The following PALM2AKAP2 variants were observed in gnomAD, a reference collection of about 807,000 sequenced individuals.
PALM2AKAP2 encodes the protein PALM2-AKAP2 fusion protein.
In PALM2AKAP2, 37 loss-of-function variants were observed where a neutral mutation model predicts 71.5. That is an observed-to-expected ratio of 0.52 (90% CI 0.40 to 0.68). The LOEUF is 0.68. Among genes scored for constraint, PALM2AKAP2 ranks in the 30% least tolerant of loss-of-function variants. The pLI, the probability that PALM2AKAP2 is intolerant of heterozygous loss-of-function variation, is 0.00. For missense variants in PALM2AKAP2, 1,224 were observed against 1,191.8 expected, an observed-to-expected ratio of 1.03 and a Z score of -0.40; for synonymous variants, 468 against 478.8, an observed-to-expected ratio of 0.98 and a Z score of 0.29.
At chr9:110,003,208 T>C (rs1189211360) in intron 6 of PALM2AKAP2, among the ~76,000 whole-genome samples, 6 of 152,192 alleles carry the variant, frequency 3.9e-5, no homozygotes, top group Non-Finnish European at 7.3e-5. Context: ...TTTGAATGTG[T>C]CCCAGAGATT....
At chr9:109,796,024 T>C (rs763001682) in intron 1 of PALM2AKAP2, among the ~76,000 whole-genome samples, 21 of 152,232 alleles carry the variant, frequency 1.4e-4, no homozygotes, top group Non-Finnish European at 2.6e-4. Flanking sequence ...GACTATGTCA[T>C]ATTCACCATT....
intron 1 of PALM2AKAP2, among the ~76,000 whole-genome samples, chr9:109,793,800 C>T (rs1461861704): frequency 6.6e-6 from 1 of 152,194 alleles, no homozygotes; most frequent in African/African-American, 2.4e-5. Context: ...TTTTATGACT[C>T]ATGAGATTTG....
intron 3 of PALM2AKAP2, among the ~76,000 whole-genome samples, chr9:109,913,755 CT>C (rs35024326): frequency 0.7 from 71,502 of 102,872 alleles, 22,801 homozygotes; most frequent in East Asian, 0.76. Flanking sequence ...ATGCTTATTT[CT>C]TTTTTTTTTT....
intron 6 of PALM2AKAP2, among the ~76,000 whole-genome samples, chr9:110,005,863 A>C (rs952343287): frequency 2.0e-5 from 3 of 152,184 alleles, no homozygotes; most frequent in Non-Finnish European, 4.4e-5. Flanking sequence ...CCGTTTGCTA[A>C]GACCATTGGA....
chr9:110,008,463 G>A (rs1832822173), intron 6 of PALM2AKAP2, among the ~76,000 whole-genome samples: 1 of 151,416 alleles, frequency 6.6e-6, no homozygotes, highest in Non-Finnish European at 1.5e-5. Context: ...TAATAAAAAA[G>A]AAAGTATGGG....
At chr9:110,074,230 T>C (rs1834269753) in intron 1 of PALM2AKAP2, among the ~76,000 whole-genome samples, 1 of 152,224 alleles carries the variant, frequency 6.6e-6, no homozygotes, top group Non-Finnish European at 1.5e-5. Flanking sequence ...CTCACACCTA[T>C]AATCCTAGCT....
chr9:109,879,687 A>G, intron 2 of PALM2AKAP2, among the ~76,000 whole-genome samples: 1 of 145,340 alleles, frequency 6.9e-6, no homozygotes, highest in Admixed American at 7.2e-5. Flanking sequence ...ACTTGCAAAC[A>G]TGGGATGTAT....
At chr9:110,022,310 A>G (rs1717800735) in intron 7 of PALM2AKAP2, among the ~76,000 whole-genome samples, 1 of 152,158 alleles carries the variant, frequency 6.6e-6, no homozygotes, top group Admixed American at 6.5e-5. Flanking sequence ...TAGCCTGGGC[A>G]ACATACTGAG....
At chr9:109,963,334 G>A (rs188271307) in intron 6 of PALM2AKAP2, among the ~76,000 whole-genome samples, 21 of 152,308 alleles carry the variant, frequency 1.4e-4, no homozygotes, top group Non-Finnish European at 2.5e-4. Flanking sequence ...GAAAGTTCAA[G>A]GTCAAGCCCA....
intron 1 of PALM2AKAP2, among the ~76,000 whole-genome samples, chr9:109,727,249 T>C (rs1049618710): frequency 4.6e-5 from 7 of 152,230 alleles, no homozygotes; most frequent in East Asian, 1.9e-4. Context: ...CTTCTTGTGA[T>C]AGTATCTGCC....
chr9:110,109,728 G>A (rs1488120376), intron 1 of PALM2AKAP2, among the ~76,000 whole-genome samples: 2 of 152,080 alleles, frequency 1.3e-5, no homozygotes, highest in South Asian at 2.1e-4. Flanking sequence ...AGTGAGAGAG[G>A]AAAGGGCATG....
chr9:109,641,211 C>A (rs909611987), intron 1 of PALM2AKAP2, among the ~76,000 whole-genome samples: 2 of 152,196 alleles, frequency 1.3e-5, no homozygotes, highest in African/African-American at 4.8e-5. Context: ...CCATGACTTC[C>A]GATTCCTAAC....
chr9:110,032,954 T>C (rs1588068845), intron 7 of PALM2AKAP2, among the ~76,000 whole-genome samples: 1 of 151,858 alleles, frequency 6.6e-6, no homozygotes, highest in East Asian at 1.9e-4. Context: ...ATAAATAAAT[T>C]TATTGAATGT....
chr9:109,751,752 A>G (rs1356955673), intron 1 of PALM2AKAP2, among the ~76,000 whole-genome samples: 4 of 152,180 alleles, frequency 2.6e-5, no homozygotes, highest in Non-Finnish European at 4.4e-5. Flanking sequence ...CAAAAATGTC[A>G]TCTGAACCCA....
chr9:109,752,078 T>C (rs1020091991), intron 1 of PALM2AKAP2, among the ~76,000 whole-genome samples: 2 of 152,202 alleles, frequency 1.3e-5, no homozygotes, highest in Non-Finnish European at 2.9e-5. Flanking sequence ...ATTGAGCACC[T>C]ACTATGTATT....
At chr9:109,878,336 A>G (rs13283300) in intron 2 of PALM2AKAP2, among the ~76,000 whole-genome samples, 31,664 of 152,148 alleles carry the variant, frequency 0.21, 4,099 homozygotes, top group Admixed American at 0.29. Context: ...GTTTACGCAT[A>G]TTGAGGTGTG....
chr9:109,868,803 G>T (rs1364836163), intron 2 of PALM2AKAP2, among the ~76,000 whole-genome samples: 1 of 152,208 alleles, frequency 6.6e-6, no homozygotes, highest in African/African-American at 2.4e-5. Flanking sequence ...TTCATTGACA[G>T]ATCTTTCTTT....
intron 1 of PALM2AKAP2, among the ~76,000 whole-genome samples, chr9:109,667,339 G>C (rs1827501843): frequency 6.6e-6 from 1 of 152,034 alleles, no homozygotes; most frequent in African/African-American, 2.4e-5. Context: ...CTAGCTGTAG[G>C]CTAGGCCAAG....
At chr9:110,146,099 C>T (rs918083759) in intron 2 of PALM2AKAP2, among the ~76,000 whole-genome samples, 8 of 151,950 alleles carry the variant, frequency 5.3e-5, no homozygotes, top group Admixed American at 3.3e-4. Flanking sequence ...GGGGTTTCAC[C>T]GTGTTAGCCA....
Sources: allele counts gnomAD v4.1 joint callset (sites outside exome capture counted in the v4.1 genomes callset), GRCh38; gene constraint gnomAD v4.1.1; transcripts MANE v1.5; gene names NCBI Gene and HGNC (gene_info 2026-07-23, HGNC 2026-07-21).